Variants in ADGRL4 observed in about 807,000 individuals in gnomAD.
ADGRL4 encodes adhesion G protein-coupled receptor L4.
Under a neutral mutation model 74.8 loss-of-function variants are expected in ADGRL4, and 90 were observed. The ratio of observed to expected loss-of-function variants is 1.20; its 90% confidence interval spans 1.02 to 1.43. ADGRL4 has a LOEUF of 1.43. Ranked by LOEUF, ADGRL4 falls within the 40% of genes most tolerant of loss-of-function variation. The pLI, the probability that ADGRL4 is intolerant of heterozygous loss-of-function variation, is 0.00. For synonymous variants in ADGRL4, 311 were observed against 279.2 expected, an observed-to-expected ratio of 1.11 and a Z score of -1.14; for missense variants, 881 against 814.3, an observed-to-expected ratio of 1.08 and a Z score of -1.00.
intron 2 of ADGRL4, among the ~76,000 whole-genome samples, chr1:78,983,768 A>C (rs1345852123): frequency 6.6e-6 from 1 of 151,878 alleles, no homozygotes; most frequent in Non-Finnish European, 1.5e-5. Flanking sequence ...AAATGGAAAC[A>C]TCACAGTGAA....
intron 2 of ADGRL4, among the ~76,000 whole-genome samples, chr1:78,969,044 T>C (rs1650116205): frequency 6.6e-6 from 1 of 152,204 alleles, no homozygotes; most frequent in South Asian, 2.1e-4. Context: ...GGAATATTGC[T>C]GATCTTTGTT....
chr1:78,960,048 G>C (rs1649918028), intron 2 of ADGRL4, among the ~76,000 whole-genome samples: 1 of 152,108 alleles, frequency 6.6e-6, no homozygotes, highest in Non-Finnish European at 1.5e-5. Context: ...GATAATATCT[G>C]CAGTTTAAGA....
rs528410136 is a variant in ADGRL4, at chr1:78,903,583, A to C, written c.1750-10394T>G. Among the ~76,000 whole-genome samples, 6 of 152,270 alleles carry C rather than the reference A, an allele frequency of 3.9e-5. No individual in the cohort carries two copies. The South Asian group carries it at 1.2e-3, about 32-fold the overall frequency. On this transcript the variant is annotated intron_variant, in intron 12 of 14. Coordinates refer to ENST00000370742, the MANE Select transcript of ADGRL4 (RefSeq NM_022159.4). ...ATATTTAAAGTTATGCATATTCATG[A>C]AATGTTTAGAAGTTTCTAGTAATGT...
At chr1:78,918,905 T>C (rs957012201) in intron 10 of ADGRL4, among the ~76,000 whole-genome samples, 1 of 151,904 alleles carries the variant, frequency 6.6e-6, no homozygotes, top group Non-Finnish European at 1.5e-5. Context: ...ATTTGAGATA[T>C]GACTGGAAAA....
intron 2 of ADGRL4, among the ~76,000 whole-genome samples, chr1:78,959,756 CAG>C (rs1320072216): frequency 1.3e-5 from 2 of 152,168 alleles, no homozygotes; most frequent in Admixed American, 1.3e-4. Flanking sequence ...TATACTGAAC[CAG>C]AGTCAGTATA....
intron 7 of ADGRL4, among the ~76,000 whole-genome samples, chr1:78,929,424 A>AG (rs1490416944): frequency 2.6e-5 from 4 of 151,324 alleles, no homozygotes; most frequent in Non-Finnish European, 5.9e-5. Flanking sequence ...TTCAGGTGGA[A>AG]GGATCACTGG....
intron 2 of ADGRL4, among the ~76,000 whole-genome samples, chr1:78,965,025 T>TA (rs5775470): frequency 0.9 from 136,242 of 151,888 alleles, 61,388 homozygotes; most frequent in Middle Eastern, 0.95. Context: ...TAAATAGTCT[T>TA]AAAAAAAACT....
intron 2 of ADGRL4, among the ~76,000 whole-genome samples, chr1:79,002,899 CA>C (rs905350173): frequency 6.6e-6 from 1 of 151,968 alleles, no homozygotes; most frequent in Non-Finnish European, 1.5e-5. Context: ...CCATGCAAAA[CA>C]AATTATAAAT....
At chr1:78,893,294 C>T (rs1177143195) in intron 12 of ADGRL4, 105 bp from the exon 13 acceptor site, 6 of 757,616 alleles carry the variant, frequency 7.9e-6, no homozygotes, top group Non-Finnish European at 1.3e-5. Flanking sequence ...AACTAAAAAT[C>T]ATGGCATTTA....
chr1:78,948,317 T>C (rs6687249), intron 2 of ADGRL4, among the ~76,000 whole-genome samples: 148,839 of 152,264 alleles, frequency 0.98, 72,843 homozygotes, highest in East Asian at 1. Context: ...ATAGACCAGG[T>C]GGGTAATGTA....
chr1:78,992,726 A>G (rs1423668319), intron 2 of ADGRL4, among the ~76,000 whole-genome samples: 3 of 152,126 alleles, frequency 2.0e-5, no homozygotes, highest in Non-Finnish European at 4.4e-5. Flanking sequence ...ATGCAGAAAA[A>G]TCACAATTTT....
chr1:78,974,264 T>C (rs1650235192), intron 2 of ADGRL4, among the ~76,000 whole-genome samples: 3 of 152,318 alleles, frequency 2.0e-5, no homozygotes, highest in Admixed American at 2.0e-4. Flanking sequence ...CTTCTATGTA[T>C]ATCAGCCTGT....
intron 12 of ADGRL4, among the ~76,000 whole-genome samples, chr1:78,908,739 C>T (rs1390066951): frequency 2.0e-5 from 3 of 151,862 alleles, no homozygotes; most frequent in Non-Finnish European, 2.9e-5. Flanking sequence ...GAAATACTAG[C>T]GATGAATCTC....
chr1:78,936,243 T>C (rs975064425), intron 7 of ADGRL4, 52 bp downstream of exon 7: 2 of 1,543,340 alleles, frequency 1.3e-6, no homozygotes, highest in Non-Finnish European at 8.7e-7. Flanking sequence ...GCATGATAAA[T>C]ATTTATTGCA....
At chr1:78,915,552 C>T (rs1648853236) in intron 12 of ADGRL4, among the ~76,000 whole-genome samples, 1 of 151,798 alleles carries the variant, frequency 6.6e-6, no homozygotes, top group African/African-American at 2.4e-5. Context: ...CATTGTCCTC[C>T]CCTAAAGGCC....
At chr1:78,957,410 C>A (rs910051243) in intron 2 of ADGRL4, among the ~76,000 whole-genome samples, 1 of 152,122 alleles carries the variant, frequency 6.6e-6, no homozygotes, top group Non-Finnish European at 1.5e-5. Context: ...AGGAAAAGCT[C>A]TTGAAGGAAA....
intron 3 of ADGRL4, among the ~76,000 whole-genome samples, chr1:78,944,038 C>T (rs1026897356): frequency 3.9e-5 from 6 of 152,030 alleles, no homozygotes; most frequent in Non-Finnish European, 7.4e-5. Flanking sequence ...AAATATACTA[C>T]CTCCATAAAA....
In ADGRL4 at chr1:79,006,627, A is replaced by G; in HGVS notation, c.22+6T>C. 6.5e-7 allele frequency: 1 copy of G among 1,533,158 alleles called. No homozygotes were observed. The allele number at this position is 1,533,158 out of a possible 1,614,324, so 95.0% of individuals were successfully genotyped here. A position where few individuals can be genotyped will look rare whatever the true frequency, so the allele number is the denominator to read the frequency against. Reference sequence around the variant, plus strand: ...ACCTCGGCGACCAGGGGCGCTGAGCACTCACCTAGGAGCGGGAGGCGTTTC... The same window carrying G: ...ACCTCGGCGACCAGGGGCGCTGAGCGCTCACCTAGGAGCGGGAGGCGTTTC... On this transcript the variant is annotated splice_donor_region_variant and intron_variant, in intron 1 of 14. Transcript: ENST00000370742.
At chr1:78,926,820 A>C (rs1649123587) in intron 8 of ADGRL4, 66 bp downstream of exon 8, 6 of 1,181,450 alleles carry the variant, frequency 5.1e-6, no homozygotes. Context: ...TAAGTGACAC[A>C]ACAAAGAGTC....
Sources: allele counts gnomAD v4.1 joint callset (sites outside exome capture counted in the v4.1 genomes callset), GRCh38; gene constraint gnomAD v4.1.1; transcripts MANE v1.5; gene names NCBI Gene and HGNC (gene_info 2026-07-23, HGNC 2026-07-21).